Variants in HDHD5 observed in about 807,000 individuals in gnomAD.
The protein encoded by HDHD5 is haloacid dehalogenase-like hydrolase domain-containing 5.
In HDHD5, 34 loss-of-function variants were observed where a neutral mutation model predicts 35.5. That is an observed-to-expected ratio of 0.96 (90% CI 0.73 to 1.28). The LOEUF is 1.28. Among genes scored for constraint, HDHD5 ranks in the 50% most tolerant of loss-of-function variants. HDHD5 has a pLI of 0.00. For synonymous variants in HDHD5, 248 were observed against 240.6 expected, an observed-to-expected ratio of 1.03 and a Z score of -0.29; for missense variants, 589 against 560.2, an observed-to-expected ratio of 1.05 and a Z score of -0.52.
At chr22:17,154,763 C>A (rs999484941) in intron 1 of HDHD5, among the ~76,000 whole-genome samples, 1 of 150,776 alleles carries the variant, frequency 6.6e-6, no homozygotes, top group African/African-American at 2.4e-5. Flanking sequence ...GCTGGGACTA[C>A]AAGTATGTGC....
chr22:17,142,850 G>A (rs2061614211), intron 5 of HDHD5: 1 of 472,496 alleles, frequency 2.1e-6, no homozygotes, highest in East Asian at 4.1e-5. Context: ...ATCACCTCTA[G>A]GTGTCTTTCC....
intron 1 of HDHD5, among the ~76,000 whole-genome samples, chr22:17,150,259 T>C (rs1172075182): frequency 6.6e-6 from 1 of 152,238 alleles, no homozygotes; most frequent in Non-Finnish European, 1.5e-5. Flanking sequence ...TTTTTATGGA[T>C]TACAATAGTC....
chr22:17,145,763 G>T (rs1481699612), intron 3 of HDHD5, among the ~76,000 whole-genome samples: 1 of 152,112 alleles, frequency 6.6e-6, no homozygotes, highest in Non-Finnish European at 1.5e-5. Flanking sequence ...TGTTCTCTGA[G>T]AACAGTGCTG....
chr22:17,144,942 T>C (rs1568942357), intron 4 of HDHD5, 82 bp downstream of exon 4: 3 of 1,524,618 alleles, frequency 2.0e-6, no homozygotes, highest in Non-Finnish European at 2.7e-6. Flanking sequence ...GCAGGAGGGC[T>C]TGCAAGGTCA....
In HDHD5 at chr22:17,148,539, G is replaced by A; in HGVS notation, c.352C>T (p.Leu118Phe). ...GCEVDADQVI[L>F]SHSPMKLFSE... Reference sequence around the variant, plus strand: ...AAGAGCTTCATGGGGCTGTGAGAGAGGATAACTTGGTCTGCATCCACCTGT... The same window carrying A: ...AAGAGCTTCATGGGGCTGTGAGAGAAGATAACTTGGTCTGCATCCACCTGT... Residue 118 changes from leucine (L) to phenylalanine (F), a missense_variant, in exon 3 of 8, where the codon CTC becomes TTC. By Grantham distance (22) the Leu-to-Phe change is conservative. Coordinates refer to ENST00000336737, the MANE Select transcript of HDHD5 (RefSeq NM_033070.3). 1 of 1,614,168 alleles carries A rather than the reference G, an allele frequency of 6.2e-7. No homozygotes were observed. The highest frequency in any genetic ancestry group is 8.5e-7 in the Non-Finnish European group (1 of 1,180,014).
chr22:17,149,776 G>C, intron 1 of HDHD5, 31 bp from the exon 2 acceptor site: 3 of 1,587,686 alleles, frequency 1.9e-6, no homozygotes, highest in Non-Finnish European at 2.6e-6. Flanking sequence ...TTACCAGTAC[G>C]TGAGTAACAA....
intron 4 of HDHD5, 25 bp downstream of exon 4, chr22:17,144,999 C>T (rs779821303): frequency 1.2e-6 from 2 of 1,613,078 alleles, no homozygotes; most frequent in East Asian, 2.2e-5. Flanking sequence ...GATGAAGACA[C>T]AGCCCAACCC....
chr22:17,141,288 C>A (rs1318335839), intron 5 of HDHD5, 55 bp from the exon 6 acceptor site: 1 of 1,539,452 alleles, frequency 6.5e-7, no homozygotes, highest in East Asian at 2.5e-5. Flanking sequence ...AGGCGGCAGG[C>A]CCTCAGGATG....
chr22:17,159,171 G>A lies in HDHD5; in HGVS notation c.81C>T (p.Leu27=), dbSNP rs2061839198. The A allele has an allele frequency of 2.0e-5, 25 of 1,219,684 alleles. No homozygotes were observed. The highest frequency in any genetic ancestry group is 2.6e-5 in the Non-Finnish European group (25 of 979,718). 75.6% of individuals were successfully genotyped at this position (1,219,684 alleles called of 1,614,324 possible). ...AGCACCTGCGGGCGGGGCGGCCCTG[G>A]AGCCCCGCAGCCGCGCGCGCCGCCC... ...CWRAARAAAG[L]QGRPARRCYA... The change falls in exon 1 of 8, where the codon CTC becomes CTT. Residue 27 remains leucine, a synonymous_variant. Coordinates refer to ENST00000336737, the MANE Select transcript of HDHD5 (RefSeq NM_033070.3).
chr22:17,159,077 C>T (rs776405804), intron 1 of HDHD5, 49 bp downstream of exon 1: 71 of 1,224,340 alleles, frequency 5.8e-5, no homozygotes, highest in Admixed American at 3.2e-4. Context: ...CCCGCCCCGC[C>T]TCCGGCCCTG....
At position 17,138,478 on chromosome 22, in the gene HDHD5, G is replaced by T. The variant is rs2286954; in HGVS notation, c.935+72C>A. On this transcript the variant is annotated intron_variant, in intron 7 of 7. Transcript: ENST00000336737. Reference sequence around the variant, plus strand: ...AGAGTGAATTAGATATAGGGAAATGGGGGTGAGAGTAGAGGAGGAGGGAGA... The same window carrying T: ...AGAGTGAATTAGATATAGGGAAATGTGGGTGAGAGTAGAGGAGGAGGGAGA... 15 of 1,549,064 alleles carry T rather than the reference G, an allele frequency of 9.7e-6. No individual in the cohort carries two copies. In the South Asian group the frequency reaches 1.7e-4, roughly 17 times the overall value.
intron 1 of HDHD5, among the ~76,000 whole-genome samples, chr22:17,155,224 T>A (rs2061774856): frequency 6.6e-6 from 1 of 151,366 alleles, no homozygotes; most frequent in African/African-American, 2.4e-5. Context: ...TCACAAGATT[T>A]GCTTTCCTTT....
At chr22:17,149,493 C>T (rs773921995) in intron 2 of HDHD5, 49 bp downstream of exon 2, 2 of 1,575,416 alleles carry the variant, frequency 1.3e-6, no homozygotes, top group Middle Eastern at 2.3e-4. Flanking sequence ...GCAGCGGCTC[C>T]ATTAGGAACC....
rs779244919 is a variant in HDHD5 at position 17,157,076 on chromosome 22, T to TCACACACACA, written c.126+2049_126+2050insTGTGTGTGTG. On this transcript the variant is annotated intron_variant, in intron 1 of 7. Coordinates refer to ENST00000336737, the MANE Select transcript of HDHD5 (RefSeq NM_033070.3). ...CCGGGCAACAGAGCTAGACACCGTCTCACACACATACACACACACACACAC... is the reference window on the plus strand; with the variant it reads ...CCGGGCAACAGAGCTAGACACCGTCTCACACACACACACACACATACACACACACACACAC... Among the ~76,000 whole-genome samples the TCACACACACA allele has an allele frequency of 8.6e-3, 484 of 56,142 alleles. 4 individuals are homozygous for TCACACACACA. Among genetic ancestry groups the TCACACACACA allele is most frequent in the South Asian group, 0.026 (43 of 1,654 alleles). The allele number at this position is 56,142 out of a possible 152,430, so 36.8% of individuals were successfully genotyped here.
chr22:17,143,441 C>A, intron 4 of HDHD5: 1 of 294,078 alleles, frequency 3.4e-6, no homozygotes, highest in Non-Finnish European at 6.3e-6. Flanking sequence ...AGTCTAAAAT[C>A]AGGCAGCTAA....
intron 1 of HDHD5, among the ~76,000 whole-genome samples, chr22:17,155,419 A>G (rs1003335864): frequency 2.0e-5 from 3 of 151,594 alleles, no homozygotes; most frequent in Non-Finnish European, 2.9e-5. Flanking sequence ...CTTATTTTTT[A>G]TATTTTTAGT....
In HDHD5 at chr22:17,138,117, G is replaced by A; in HGVS notation, c.1176C>T (p.Cys392=). 1 of 1,614,162 alleles carries A rather than the reference G, an allele frequency of 6.2e-7. No individual in the cohort carries two copies. The highest frequency in any genetic ancestry group is 8.5e-7 in the Non-Finnish European group (1 of 1,180,020). The part of the protein sequence containing the change: ...EPPFHGHRDL[C]FSPGLMEASH... ...AGGCCTCCATGAGCCCTGGACTGAAGCATAAGTCTCGGTGCCCGTGGAATG... is the reference window on the plus strand; with the variant it reads ...AGGCCTCCATGAGCCCTGGACTGAAACATAAGTCTCGGTGCCCGTGGAATG... The change falls in exon 8 of 8, where the codon TGC becomes TGT. Residue 392 remains cysteine (C), a synonymous_variant. Coordinates refer to ENST00000336737, the MANE Select transcript of HDHD5 (RefSeq NM_033070.3).
rs138657583 is a variant in HDHD5, at chr22:17,138,240, T to C, written c.1053A>G (p.Ser351=). Reference sequence around the variant, plus strand: ...GGATGGAGATGCAGCTCTGGCTTGCTGAGGGCTGTTGCTGCCGTGTGCCCC... The same window carrying C: ...GGATGGAGATGCAGCTCTGGCTTGCCGAGGGCTGTTGCTGCCGTGTGCCCC... ...GAGGTRQQQP[S]ASQSCISILV... The change falls in exon 8 of 8, where the codon TCA becomes TCG. Residue 351 remains serine, a synonymous_variant. Transcript: ENST00000336737. The C allele has an allele frequency of 2.9e-4, 472 of 1,614,204 alleles. 2 individuals carry two copies. In the African/African-American group the frequency reaches 5.8e-3, roughly 20 times the overall value.
At chr22:17,143,689 A>G (rs1343502446) in intron 4 of HDHD5, 1 of 152,564 alleles carries the variant, frequency 6.6e-6, no homozygotes, top group East Asian at 1.9e-4. Context: ...GGTTCTCCAC[A>G]GAACTTGCAC....
Sources: gnomAD v4.1 joint callset for allele counts (sites outside exome capture counted in the v4.1 genomes callset) on GRCh38, gnomAD v4.1.1 for gene constraint, MANE v1.5 for transcripts, NCBI Gene and HGNC (gene_info 2026-07-23, HGNC 2026-07-21) for gene names.